OGA: variants seen among roughly 807,000 people sequenced by gnomAD.
OGA encodes the protein protein O-GlcNAcase.
OGA carries 21 observed loss-of-function variants against 102.0 expected under a neutral mutation model. That is an observed-to-expected ratio of 0.21 (90% confidence interval 0.15 to 0.30). The LOEUF (loss-of-function observed/expected upper bound fraction) is 0.30, where lower values mean the gene tolerates loss of function less well. Ranked by LOEUF, OGA falls within the 10% of genes least tolerant of loss-of-function variation. OGA has a pLI of 1.00. For missense variants in OGA, 765 were observed against 1,107.8 expected (o/e 0.69, Z 4.39); for synonymous variants, 408 against 378.2 (o/e 1.08, Z -0.91).
intron 5 of OGA, among the ~76,000 whole-genome samples, chr10:101,806,361 C>G (rs921984473): frequency 3.3e-5 from 5 of 152,220 alleles, no homozygotes; most frequent in African/African-American, 4.8e-5. Context: ...CGCCGCCACG[C>G]CCGGCTAATT....
At chr10:101,807,035 A>C (rs1411927390) in intron 5 of OGA, among the ~76,000 whole-genome samples, 1 of 152,368 alleles carries the variant, frequency 6.6e-6, no homozygotes, top group African/African-American at 2.4e-5. Context: ...CTCAACTGCA[A>C]CTTAAACTGT....
chr10:101,793,787 T>A (rs1005616346), intron 11 of OGA, 126 bp downstream of exon 11: 1 of 673,998 alleles, frequency 1.5e-6, no homozygotes, highest in Non-Finnish European at 2.6e-6. Context: ...TCCAGCTATG[T>A]AACTAAATTG....
chr10:101,791,028 A>C lies in OGA; in HGVS notation c.2322T>G (p.Asp774Glu). 6.2e-7 allele frequency: 1 copy of C among 1,613,934 alleles called. No individual in the cohort carries two copies. The highest frequency in any genetic ancestry group is 1.3e-5 in the African/African-American group (1 of 75,026). The change falls in exon 14 of 16, where the codon GAT (aspartate) becomes GAG (glutamate). Residue 774 changes from aspartate to glutamate, a missense_variant. By Grantham distance (45) the Asp-to-Glu change is conservative (BLOSUM62 2). Around this residue, in one of 7 missense-constraint regions of OGA, gnomAD observed 146 missense variants for 269.7 expected, o/e 0.54. Coordinates refer to ENST00000361464, the MANE Select transcript of OGA (RefSeq NM_012215.5). ...LDYCFVLEDE[D>E]GICGYALGTV... The stretch of plus-strand genomic sequence containing the variant: ...TGCCCAAGGCATAACCACATATGCC[A>C]TCTTCATCTTCTAGGACAAAGCAGT...
chr10:101,785,140 G>A lies in OGA; in HGVS notation c.*1311C>T, dbSNP rs187761883. 1 of 152,218 alleles carries A rather than the reference G, an allele frequency of 6.6e-6. No homozygotes were observed. Among genetic ancestry groups the A allele is most frequent in the East Asian group, 1.9e-4 (1 of 5,182 alleles). 9.4% of individuals were successfully genotyped at this position (152,218 alleles called of 1,614,324 possible). ...CAGAGAAGCAAGATAACAAAATACT[G>A]TTATCAATCTATGGAGAAATCAGCC... On this transcript the variant is annotated 3_prime_UTR_variant, in exon 16 of 16. Transcript: ENST00000361464.
At position 101,786,475 on chromosome 10, in the gene OGA, C is replaced by G. The variant is rs1484069174; in HGVS notation, c.2727G>C (p.Val909=). The G allele has an allele frequency of 6.2e-7, 1 of 1,610,682 alleles. No homozygotes were observed. The highest frequency in any genetic ancestry group is 1.7e-5 in the Admixed American group (1 of 59,518). Residue 909 remains valine (V), a synonymous_variant, in exon 16 of 16, where the codon GTG becomes GTC. Coordinates refer to ENST00000361464, the MANE Select transcript of OGA (RefSeq NM_012215.5). ...IAKMEGFPKD[V]VILGRSL is the part of the protein sequence containing the mutation. The stretch of plus-strand genomic sequence containing the variant: ...GTCACAGGCTCCGACCAAGTATAAC[C>G]ACATCCTTTGGAAATCCTTCCATTT...
At chr10:101,790,392 C>T (rs994596776) in intron 14 of OGA, among the ~76,000 whole-genome samples, 7 of 151,556 alleles carry the variant, frequency 4.6e-5, no homozygotes, top group Non-Finnish European at 2.9e-5. Flanking sequence ...CCTGCCTCAG[C>T]CTCCTGAGTA....
At chr10:101,810,377 G>A in intron 3 of OGA, 63 bp from the exon 4 acceptor site, 2 of 1,422,304 alleles carry the variant, frequency 1.4e-6, no homozygotes, top group South Asian at 1.3e-5. Flanking sequence ...CTTCACTGAA[G>A]GTTTAACTGA....
At position 101,788,203 on chromosome 10, in the gene OGA, T is replaced by A. The variant is rs572764034; in HGVS notation, c.2455-680A>T. 2.1e-3 allele frequency among the ~76,000 whole-genome samples: 322 copies of A among 150,802 alleles called. 1 individual carries two copies. Among genetic ancestry groups the A allele is most frequent in the African/African-American group, 7.5e-3 (308 of 41,040 alleles). ...CTGTAATCCTAGCACTTTAGGAGGC[T>A]GAGGCAGGCAGACTGCCTGAGCTCA... On this transcript the variant is annotated intron_variant, in intron 14 of 15. Transcript: ENST00000361464.
At chr10:101,815,952 T>G (rs2065616499) in intron 1 of OGA, among the ~76,000 whole-genome samples, 2 of 57,912 alleles carry the variant, frequency 3.5e-5, no homozygotes, top group African/African-American at 7.4e-5. Flanking sequence ...CCAAGAGGTA[T>G]CAAAAAGAGA....
At chr10:101,795,885 C>G in intron 10 of OGA, 1 of 979,170 alleles carries the variant, frequency 1.0e-6, no homozygotes, top group African/African-American at 1.7e-5. Flanking sequence ...GCTGGACAAG[C>G]TTGCTGTAAG....
At position 101,790,946 on chromosome 10, in the gene OGA, G is replaced by C. The variant is rs764728926; in HGVS notation, c.2404C>G (p.Gln802Glu). The change falls in exon 14 of 16, where the codon CAG becomes GAG. Residue 802 changes from glutamine to glutamate, a missense_variant. By Grantham distance (29) the Gln-to-Glu change is conservative. Around this residue, in one of 7 missense-constraint regions of OGA, gnomAD observed 146 missense variants for 269.7 expected, o/e 0.54. Coordinates refer to ENST00000361464, the MANE Select transcript of OGA (RefSeq NM_012215.5). ...KCKISWIPFM[Q>E]EKYTKPNGDK... Reference sequence around the variant, plus strand: ...CCATTTGGCTTGGTATACTTCTCCTGCATGAAGGGGATCCAGGAAATTTTA... The same window carrying C: ...CCATTTGGCTTGGTATACTTCTCCTCCATGAAGGGGATCCAGGAAATTTTA... The C allele has an allele frequency of 6.2e-7, 1 of 1,613,550 alleles. No homozygotes were observed.
At chr10:101,804,218 T>C (rs1358534020) in intron 6 of OGA, among the ~76,000 whole-genome samples, 199 bp from the exon 7 acceptor site, 1 of 151,572 alleles carries the variant, frequency 6.6e-6, no homozygotes, top group Non-Finnish European at 1.5e-5. Flanking sequence ...AAAAGAATCA[T>C]GGTTCTTTAA....
At chr10:101,801,496 A>C (rs1323687427) in intron 7 of OGA, among the ~76,000 whole-genome samples, 5 of 152,118 alleles carry the variant, frequency 3.3e-5, no homozygotes, top group Non-Finnish European at 7.4e-5. Flanking sequence ...ATTAAGTCTG[A>C]ATTTTTTGAT....
chr10:101,791,446 ATATAATCTAGT>A lies in OGA; in HGVS notation c.2176-18_2176-8del. 6.2e-7 allele frequency: 1 copy of A among 1,611,158 alleles called. No homozygotes were observed. Among genetic ancestry groups the A allele is most frequent in the South Asian group, 1.1e-5 (1 of 91,028 alleles). On this transcript the variant is annotated splice_polypyrimidine_tract_variant and splice_region_variant and intron_variant, in intron 12 of 15. Transcript: ENST00000361464. ...AAATCTTGTACACGGATGCCTGAAA[ATATAATCTAGT>A]TAAGCAACACATCAAGAAAAATGGC...
At position 101,810,439 on chromosome 10, in the gene OGA, A is replaced by G. The variant is rs2065539039; in HGVS notation, c.350-125T>C. ...AAAGGAAAAGATCCTCACATTTTAC[A>G]AATTGTCATGTCCAACTTAACAACA... is the stretch of plus-strand genomic sequence containing the variant. On this transcript the variant is annotated intron_variant, in intron 3 of 15. Transcript: ENST00000361464. 4.5e-6 allele frequency: 4 copies of G among 897,470 alleles called. No homozygotes were observed. The South Asian group carries it at 5.7e-5, about 13-fold the overall frequency. The allele number at this position is 897,470 out of a possible 1,614,324, so 55.6% of individuals were successfully genotyped here.
chr10:101,791,896 G>C (rs2065263695), intron 12 of OGA, among the ~76,000 whole-genome samples: 1 of 151,602 alleles, frequency 6.6e-6, no homozygotes, highest in South Asian at 2.1e-4. Context: ...GCACGATCTT[G>C]GCTCACTGCA....
chr10:101,791,903 T>G (rs1467186412), intron 12 of OGA, among the ~76,000 whole-genome samples: 1 of 152,112 alleles, frequency 6.6e-6, no homozygotes, highest in Admixed American at 6.5e-5. Context: ...CTTGGCTCAC[T>G]GCAACCTCCG....
At chr10:101,817,738 TAG>T (rs2065657064) in intron 1 of OGA, 84 bp downstream of exon 1, 2 of 1,449,416 alleles carry the variant, frequency 1.4e-6, no homozygotes, top group African/African-American at 1.4e-5. Context: ...TCCGGCCTTT[TAG>T]AGTCTCCAAA....
intron 15 of OGA, 21 bp downstream of exon 15, chr10:101,787,343 A>G: frequency 6.4e-7 from 1 of 1,553,408 alleles, no homozygotes; most frequent in Non-Finnish European, 8.8e-7. Flanking sequence ...AATACCACCA[A>G]CTCCACAAAT....
Sources: gnomAD v4.1 joint callset for allele counts (sites outside exome capture counted in the v4.1 genomes callset) on GRCh38, gnomAD v4.1.1 for gene constraint, gnomAD v4.1.1 regional missense constraint, MANE v1.5 for transcripts, NCBI Gene and HGNC (gene_info 2026-07-23, HGNC 2026-07-21) for gene names.